Variants in STAG1 observed in about 807,000 individuals in gnomAD.
STAG1 encodes the protein STAG1 cohesin complex component.
A neutral mutation model predicts 170.9 loss-of-function variants in STAG1; 26 were observed. The ratio of observed to expected loss-of-function variants is 0.15; its 90% CI spans 0.11 to 0.21. The LOEUF (loss-of-function observed/expected upper bound fraction) is 0.21, where lower values mean the gene tolerates loss of function less well. Among genes scored for constraint, STAG1 ranks in the 10% least tolerant of loss-of-function variants. STAG1 has a pLI of 1.00. For missense variants in STAG1, 964 were observed against 1,509.5 expected, an observed-to-expected ratio of 0.64 and a Z score of 5.99; for synonymous variants, 514 against 497.7, an observed-to-expected ratio of 1.03 and a Z score of -0.44.
chr3:136,366,878 T>C, intron 25 of STAG1, 65 bp downstream of exon 25: 1 of 1,374,520 alleles, frequency 7.3e-7, no homozygotes, highest in Non-Finnish European at 1.0e-6. Context: ...TCTGTCATCA[T>C]CCTTTCAATT....
At chr3:136,656,617 TTGTGTG>T (rs71157397) in intron 1 of STAG1, among the ~76,000 whole-genome samples, 13 of 143,392 alleles carry the variant, frequency 9.1e-5, no homozygotes, top group East Asian at 6.1e-4. Flanking sequence ...CTGTATTTAT[TTGTGTG>T]TGTGTGTGTG....
chr3:136,607,962 C>G (rs1455737012), intron 3 of STAG1, among the ~76,000 whole-genome samples: 3 of 152,158 alleles, frequency 2.0e-5, no homozygotes, highest in Non-Finnish European at 4.4e-5. Flanking sequence ...AGAGTAAGAA[C>G]TGCACACTGG....
intron 1 of STAG1, among the ~76,000 whole-genome samples, chr3:136,726,133 G>C (rs1933649823): frequency 6.6e-6 from 1 of 152,094 alleles, no homozygotes; most frequent in African/African-American, 2.4e-5. Context: ...AAAAGCAAGG[G>C]TTCTCAACCT....
intron 1 of STAG1, among the ~76,000 whole-genome samples, chr3:136,636,624 G>C (rs1175296667): frequency 6.6e-6 from 1 of 152,130 alleles, no homozygotes; most frequent in Non-Finnish European, 1.5e-5. Flanking sequence ...ACCAATTTTA[G>C]CATAGGCTAA....
intron 23 of STAG1, among the ~76,000 whole-genome samples, chr3:136,370,028 T>A (rs1243096306): frequency 6.6e-6 from 1 of 151,892 alleles, no homozygotes; most frequent in East Asian, 1.9e-4. Flanking sequence ...AATGAATGAC[T>A]ATGTTACTGG....
At chr3:136,373,091 C>T (rs1226947591) in intron 23 of STAG1, among the ~76,000 whole-genome samples, 1 of 152,050 alleles carries the variant, frequency 6.6e-6, no homozygotes, top group Non-Finnish European at 1.5e-5. Context: ...GTGTATGTGT[C>T]GAGGAATTTA....
In STAG1 at chr3:136,498,432, T is replaced by G. The variant is rs912448428; in HGVS notation, c.902+1791A>C. ...GATATGTTGCATAATTCCATTTCTATAAAATTCTAGAAAATGTAAATAATC... is the reference window on the plus strand; with the variant it reads ...GATATGTTGCATAATTCCATTTCTAGAAAATTCTAGAAAATGTAAATAATC... On this transcript the variant is annotated intron_variant, in intron 9 of 33. Coordinates refer to ENST00000383202, the MANE Select transcript of STAG1 (RefSeq NM_005862.3). 1.3e-4 allele frequency among the ~76,000 whole-genome samples: 20 copies of G among 150,598 alleles called. No homozygotes were observed. In the Middle Eastern group the frequency reaches 0.01, roughly 78 times the overall value.
intron 1 of STAG1, among the ~76,000 whole-genome samples, chr3:136,739,503 C>CAAAAAAA (rs1165327249): frequency 2.2e-5 from 1 of 45,690 alleles, no homozygotes; most frequent in African/African-American, 8.5e-5. Context: ...CAGACTCCGT[C>CAAAAAAA]AAAAAAAAAA....
intron 14 of STAG1, among the ~76,000 whole-genome samples, chr3:136,449,298 C>T (rs1370733603): frequency 6.6e-6 from 1 of 152,122 alleles, no homozygotes. Flanking sequence ...TGGTGGCTCA[C>T]GCCTGTAATC....
intron 15 of STAG1, among the ~76,000 whole-genome samples, chr3:136,436,556 C>T (rs2088468771): frequency 6.6e-6 from 1 of 152,170 alleles, no homozygotes; most frequent in Non-Finnish European, 1.5e-5. Context: ...TGCTAGATTA[C>T]AGGTGTGAGC....
chr3:136,678,870 A>AG (rs1559946244), intron 1 of STAG1, among the ~76,000 whole-genome samples: 2 of 150,792 alleles, frequency 1.3e-5, no homozygotes, highest in African/African-American at 2.4e-5. Context: ...AAAAAAAGAA[A>AG]AAGAAGAAAA....
At chr3:136,584,022 G>A (rs539093237) in intron 4 of STAG1, among the ~76,000 whole-genome samples, 5 of 152,144 alleles carry the variant, frequency 3.3e-5, no homozygotes, top group African/African-American at 7.2e-5. Flanking sequence ...ACCAGCTGGA[G>A]AGCCTATACA....
chr3:136,750,029 C>T (rs1935148355), intron 1 of STAG1, among the ~76,000 whole-genome samples: 1 of 151,954 alleles, frequency 6.6e-6, no homozygotes, highest in South Asian at 2.1e-4. Flanking sequence ...TATTTCTTCT[C>T]ACAGCACTGA....
intron 21 of STAG1, among the ~76,000 whole-genome samples, chr3:136,413,272 C>T (rs1216557969): frequency 7.5e-5 from 11 of 147,268 alleles, no homozygotes; most frequent in African/African-American, 1.7e-4. Context: ...TATTACATAT[C>T]GTATACAATA....
intron 5 of STAG1, among the ~76,000 whole-genome samples, chr3:136,557,501 A>C (rs1050389261): frequency 6.6e-6 from 1 of 152,222 alleles, no homozygotes; most frequent in Non-Finnish European, 1.5e-5. Context: ...ACAGGAGAGT[A>C]TCTTCATGAC....
intron 1 of STAG1, among the ~76,000 whole-genome samples, chr3:136,704,073 T>TG (rs2107911266): frequency 7.0e-6 from 1 of 143,400 alleles, no homozygotes; most frequent in African/African-American, 2.6e-5. Flanking sequence ...TTTTTTGAGA[T>TG]GGAGTCTCAC....
intron 20 of STAG1, among the ~76,000 whole-genome samples, chr3:136,418,545 A>G (rs536629837): frequency 1.3e-5 from 2 of 152,108 alleles, no homozygotes; most frequent in South Asian, 4.1e-4. Flanking sequence ...AAAAAAATAA[A>G]ACCTGACATA....
chr3:136,719,525 G>C (rs1933081294), intron 1 of STAG1, among the ~76,000 whole-genome samples: 1 of 151,186 alleles, frequency 6.6e-6, no homozygotes, highest in Admixed American at 6.6e-5. Context: ...CAACGTATCT[G>C]TCAAGGAAAA....
chr3:136,613,574 C>A (rs1376745053), intron 3 of STAG1, among the ~76,000 whole-genome samples: 1 of 152,092 alleles, frequency 6.6e-6, no homozygotes, highest in Non-Finnish European at 1.5e-5. Context: ...GCAACCTCTG[C>A]CTCCCAGGTT....
Sources: allele counts gnomAD v4.1 joint callset (sites outside exome capture counted in the v4.1 genomes callset), GRCh38; gene constraint gnomAD v4.1.1; transcripts MANE v1.5; gene names NCBI Gene and HGNC (gene_info 2026-07-23, HGNC 2026-07-21).